KDM6A: variants seen among roughly 807,000 people sequenced by gnomAD.
KDM6A encodes lysine demethylase 6A, also known as lysine-specific demethylase 6A.
Under a neutral mutation model 117.6 loss-of-function variants are expected in KDM6A, and 11 were observed. That is an observed-to-expected ratio of 0.09 (90% CI 0.06 to 0.15). KDM6A has a LOEUF of 0.15. Among genes scored for constraint, KDM6A ranks in the 10% least tolerant of loss-of-function variants. KDM6A has a pLI of 1.00. For missense variants in KDM6A, 799 were observed against 1,077.3 expected, an observed-to-expected ratio of 0.74 and a Z score of 3.62; for synonymous variants, 384 against 396.1, an observed-to-expected ratio of 0.97 and a Z score of 0.36.
rs769796965 is a variant in KDM6A, at chrX:45,107,452, G to A, written c.4077G>A (p.Arg1359=). The part of the protein sequence containing the change: ...LRTLKQCQTL[R]EALIAAGKEI... ...CTCTGAAGCAATGTCAGACATTGAG[G>A]GAAGCTCTCATTGCTGCAGGAAAAG... The change falls in exon 28 of 30, where the codon AGG becomes AGA. Residue 1359 remains arginine (R), a synonymous_variant. Coordinates refer to ENST00000611820, the MANE Select transcript of KDM6A (RefSeq NM_001291415.2). 1 of 1,206,758 alleles carries A rather than the reference G, an allele frequency of 8.3e-7. No individual in the cohort carries two copies.
intron 6 of KDM6A, among the ~76,000 whole-genome samples, chrX:45,031,014 A>G (rs1027518495): frequency 1.8e-5 from 2 of 112,347 alleles, no homozygotes; most frequent in African/African-American, 6.5e-5. Context: ...TAATTTTAGA[A>G]ATGTGGCAGT....
intron 4 of KDM6A, among the ~76,000 whole-genome samples, chrX:44,999,224 T>A (rs2041017788): frequency 8.9e-6 from 1 of 112,172 alleles, no homozygotes; most frequent in Admixed American, 9.4e-5. Flanking sequence ...TAAAATTTTC[T>A]TTTTAATTCT....
intron 15 of KDM6A, 119 bp from the exon 16 acceptor site, chrX:45,062,528 A>G (rs1213031074): frequency 5.9e-6 from 3 of 509,597 alleles, no homozygotes; most frequent in Non-Finnish European, 1.1e-5. Flanking sequence ...GTCAGAAGAC[A>G]GTGTGTTTGA....
At chrX:45,040,264 T>G (rs1328412819) in intron 8 of KDM6A, among the ~76,000 whole-genome samples, 65 of 27,122 alleles carry the variant, frequency 2.4e-3, no homozygotes, top group South Asian at 4.9e-3. Context: ...GCCCGGGGGG[T>G]GGGGGTGCTG....
chrX:44,888,110 G>A (rs920644011), intron 2 of KDM6A, among the ~76,000 whole-genome samples: 2 of 111,489 alleles, frequency 1.8e-5, no homozygotes, highest in African/African-American at 6.5e-5. Context: ...TTCAAGACCA[G>A]CCTGGCCAAG....
chrX:45,003,826 T>C (rs1050505562), intron 4 of KDM6A, among the ~76,000 whole-genome samples: 1 of 106,761 alleles, frequency 9.4e-6, no homozygotes, highest in African/African-American at 3.4e-5. Flanking sequence ...TCTCTCTCTC[T>C]GCCTTTTTTT....
intron 2 of KDM6A, among the ~76,000 whole-genome samples, chrX:44,947,391 ATT>A (rs145856914): frequency 1.0e-5 from 1 of 98,368 alleles, no homozygotes. Flanking sequence ...AATAATCAGA[ATT>A]TTTTTTTTTT....
chrX:45,111,541 G>T lies in KDM6A; in HGVS notation c.*130G>T. 1 of 591,186 alleles carries T rather than the reference G, an allele frequency of 1.7e-6. No individual in the cohort carries two copies. 48.7% of individuals were successfully genotyped at this position (591,186 alleles called of 1,213,427 possible). Reference sequence around the variant, plus strand: ...ACTGTGTCTATGCAACCTTCCAAGTGCGGAGTGTCAACCAACTGGACGGGA... The same window carrying T: ...ACTGTGTCTATGCAACCTTCCAAGTTCGGAGTGTCAACCAACTGGACGGGA... On this transcript the variant is annotated 3_prime_UTR_variant, in exon 30 of 30. Transcript: ENST00000611820.
At chrX:45,047,678 T>TC (rs2043622343) in intron 8 of KDM6A, among the ~76,000 whole-genome samples, 1 of 42,960 alleles carries the variant, frequency 2.3e-5, no homozygotes, top group East Asian at 5.7e-4. Flanking sequence ...TTTTTTCTTT[T>TC]TTTTTTTTTT....
intron 27 of KDM6A, among the ~76,000 whole-genome samples, chrX:45,098,472 G>T (rs895401018): frequency 1.9e-4 from 21 of 112,926 alleles, no homozygotes; most frequent in Non-Finnish European, 5.6e-5. Flanking sequence ...GCTTGGGCCA[G>T]ACAGTGGAAC....
intron 2 of KDM6A, among the ~76,000 whole-genome samples, chrX:44,931,354 C>T (rs935579736): frequency 2.1e-4 from 23 of 111,638 alleles, no homozygotes; most frequent in African/African-American, 7.5e-4. Flanking sequence ...GGAATACCGG[C>T]GTGAACTACA....
At chrX:44,980,350 G>A (rs1396885544) in intron 4 of KDM6A, among the ~76,000 whole-genome samples, 1 of 111,082 alleles carries the variant, frequency 9.0e-6, no homozygotes, top group African/African-American at 3.3e-5. Flanking sequence ...TAGGTCTTTT[G>A]CCTTTGCATA....
At chrX:44,924,030 C>T (rs1298360185) in intron 2 of KDM6A, among the ~76,000 whole-genome samples, 1 of 112,077 alleles carries the variant, frequency 8.9e-6, no homozygotes, top group Non-Finnish European at 1.9e-5. Context: ...GCCTAATCTC[C>T]TCTTTATTTC....
intron 2 of KDM6A, among the ~76,000 whole-genome samples, chrX:44,926,188 A>C (rs1188854203): frequency 9.2e-6 from 1 of 108,563 alleles, no homozygotes; most frequent in East Asian, 2.9e-4. Flanking sequence ...CTCGTGCCTC[A>C]GTCTCCCAAG....
chrX:44,976,146 C>T (rs1001720331), intron 4 of KDM6A, among the ~76,000 whole-genome samples: 3 of 111,802 alleles, frequency 2.7e-5, no homozygotes, highest in African/African-American at 9.8e-5. Context: ...AATCCTGCAT[C>T]ACAGCCATCA....
rs1451784824 is a variant in KDM6A at position 45,042,221 on chromosome X, C to G, written c.654+4532C>G. Among the ~76,000 whole-genome samples the G allele has an allele frequency of 8.7e-4, 72 of 82,391 alleles. 1 individual carries two copies. The highest frequency in any genetic ancestry group is 3.2e-3 in the African/African-American group (63 of 19,616). The allele number at this position is 82,391 out of a possible 115,157, so 71.5% of individuals were successfully genotyped here. On this transcript the variant is annotated intron_variant, in intron 8 of 29. Transcript: ENST00000611820. ...GCAGCAGTACCGTCCAGCTTCGGCT[C>G]GGCATCAGAGGGAGACCGTGGAAGG...
intron 21 of KDM6A, among the ~76,000 whole-genome samples, chrX:45,081,080 G>A (rs1472556608): frequency 8.9e-6 from 1 of 111,765 alleles, no homozygotes; most frequent in African/African-American, 3.3e-5. Flanking sequence ...TTACAGGCAT[G>A]TGCCACCACA....
At chrX:45,098,144 T>G (rs2046187578) in intron 27 of KDM6A, among the ~76,000 whole-genome samples, 1 of 112,447 alleles carries the variant, frequency 8.9e-6, no homozygotes, top group Non-Finnish European at 1.9e-5. Flanking sequence ...TATGCCATAC[T>G]TGTGTGTTCA....
chrX:45,077,852 C>G (rs1196345779), intron 19 of KDM6A, among the ~76,000 whole-genome samples: 1 of 111,246 alleles, frequency 9.0e-6, no homozygotes, highest in Non-Finnish European at 1.9e-5. Context: ...TAAGCATATT[C>G]ACATTGGTGT....
Sources: allele counts gnomAD v4.1 joint callset (sites outside exome capture counted in the v4.1 genomes callset), GRCh38; gene constraint gnomAD v4.1.1; transcripts MANE v1.5; gene names NCBI Gene and HGNC (gene_info 2026-07-23, HGNC 2026-07-21).